TTI1: variants seen among roughly 807,000 people sequenced by gnomAD.
TTI1 encodes the protein TELO2 interacting protein 1.
A neutral mutation model predicts 85.4 loss-of-function variants in TTI1; 52 were observed. That is an observed-to-expected ratio of 0.61 (90% CI 0.49 to 0.77). TTI1 has a LOEUF of 0.77. Ranked by LOEUF, TTI1 falls within the 30% of genes least tolerant of loss-of-function variation. The probability of loss-of-function intolerance (pLI) is 0.00; values close to 1 mark genes in which losing one functional copy is unlikely to be tolerated. For synonymous variants in TTI1, 512 were observed against 503.9 expected, an observed-to-expected ratio of 1.02 and a Z score of -0.22; for missense variants, 1,173 against 1,296.0, an observed-to-expected ratio of 0.91 and a Z score of 1.46.
intron 1 of TTI1, among the ~76,000 whole-genome samples, chr20:38,019,857 C>T (rs1282693112): frequency 1.3e-5 from 2 of 152,206 alleles, no homozygotes; most frequent in African/African-American, 4.8e-5. Flanking sequence ...CATCTATCTG[C>T]TGCTAGTAGC....
intron 4 of TTI1, chr20:38,000,596 C>A (rs545523671): frequency 6.6e-6 from 1 of 150,948 alleles, no homozygotes; most frequent in South Asian, 2.1e-4. Flanking sequence ...CCCTACTGGG[C>A]GCCTACTATG....
rs36059660 is a variant in TTI1 at position 38,012,468 on chromosome 20, C to A, written c.1349G>T (p.Arg450Leu). The part of the protein sequence containing the change: ...VADIKIVEER[R>L]WNSDDLNASP... The stretch of plus-strand genomic sequence containing the variant: ...AGCATTCAGATCATCAGAGTTCCAA[C>A]GCCGTTCCTCAACAATCTTGATGTC... Residue 450 changes from arginine (R) to leucine (L), a missense_variant, in exon 2 of 8, where the codon CGT becomes CTT. Physicochemically the swap from Arg to Leu is moderately radical, Grantham distance 102. Coordinates refer to ENST00000373447, the MANE Select transcript of TTI1 (RefSeq NM_001303457.2). The A allele has an allele frequency of 9.3e-6, 15 of 1,614,094 alleles. No homozygotes were observed. Among genetic ancestry groups the A allele is most frequent in the Non-Finnish European group, 1.3e-5 (15 of 1,180,056 alleles).
At chr20:38,020,712 A>G (rs1321379354) in intron 1 of TTI1, among the ~76,000 whole-genome samples, 1 of 152,224 alleles carries the variant, frequency 6.6e-6, no homozygotes, top group African/African-American at 2.4e-5. Flanking sequence ...ATATCACAAA[A>G]AAGGATAGCC....
At position 37,989,266 on chromosome 20, in the gene TTI1, G is replaced by A. The variant is rs545518403; in HGVS notation, c.3087-5627C>T. The stretch of plus-strand genomic sequence containing the variant: ...AAAACCATTCATCTATCGATCTAAC[G>A]CCAACATGCATACTCACACAGAGAC... On this transcript the variant is annotated intron_variant, in intron 7 of 7. Coordinates refer to ENST00000373447, the MANE Select transcript of TTI1 (RefSeq NM_001303457.2). Among the ~76,000 whole-genome samples, 63 of 151,974 alleles carry A rather than the reference G, an allele frequency of 4.1e-4. No homozygotes were observed. The South Asian group carries it at 8.8e-3, about 21-fold the overall frequency.
chr20:38,005,657 C>A (rs1015000891), intron 3 of TTI1, among the ~76,000 whole-genome samples: 2 of 152,082 alleles, frequency 1.3e-5, no homozygotes, highest in African/African-American at 4.8e-5. Context: ...CAGTATTCAT[C>A]CTGCACTGCC....
At chr20:38,026,958 TATGTAC>T in intron 1 of TTI1, among the ~76,000 whole-genome samples, 1 of 152,302 alleles carries the variant, frequency 6.6e-6, no homozygotes, top group African/African-American at 2.4e-5. Context: ...AAAGGTAAGT[TATGTAC>T]ACACAATGTA....
At chr20:37,997,076 G>T in intron 5 of TTI1, 123 bp from the exon 6 acceptor site, 1 of 1,084,306 alleles carries the variant, frequency 9.2e-7, no homozygotes. Flanking sequence ...TAGAATTACT[G>T]CTGTTAATTC....
At chr20:38,029,507 C>A (rs1178662106) in intron 1 of TTI1, among the ~76,000 whole-genome samples, 2 of 151,758 alleles carry the variant, frequency 1.3e-5, no homozygotes, top group Non-Finnish European at 2.9e-5. Flanking sequence ...ATAACTGGTT[C>A]TTTGAAAAGG....
chr20:38,016,492 A>G (rs2073684716), intron 1 of TTI1, among the ~76,000 whole-genome samples: 1 of 152,184 alleles, frequency 6.6e-6, no homozygotes, highest in Non-Finnish European at 1.5e-5. Context: ...ACCGTAATAG[A>G]GCTAATGAAA....
chr20:37,989,244 A>G (rs1406577630), intron 7 of TTI1, among the ~76,000 whole-genome samples: 1 of 152,226 alleles, frequency 6.6e-6, no homozygotes, highest in Non-Finnish European at 1.5e-5. Context: ...CCTGTTCAAA[A>G]CCATTCATCT....
At chr20:38,022,572 G>A (rs1392322141) in intron 1 of TTI1, among the ~76,000 whole-genome samples, 2 of 152,082 alleles carry the variant, frequency 1.3e-5, no homozygotes, top group Admixed American at 6.6e-5. Context: ...ATTCCGAATC[G>A]GATTCTAGAT....
chr20:38,015,551 G>A (rs764032706), intron 1 of TTI1, among the ~76,000 whole-genome samples: 5 of 152,132 alleles, frequency 3.3e-5, no homozygotes, highest in Non-Finnish European at 7.4e-5. Context: ...ATGGGATCCA[G>A]CAGTCATGGG....
At chr20:38,008,650 A>G (rs970153319) in intron 2 of TTI1, among the ~76,000 whole-genome samples, 3 of 152,174 alleles carry the variant, frequency 2.0e-5, no homozygotes, top group East Asian at 1.9e-4. Flanking sequence ...TGATAACTCA[A>G]TTTCCTAAAG....
intron 1 of TTI1, among the ~76,000 whole-genome samples, chr20:38,015,150 G>A (rs1406775822): frequency 6.6e-6 from 1 of 152,162 alleles, no homozygotes; most frequent in African/African-American, 2.4e-5. Flanking sequence ...CAGGCAAGTC[G>A]TGCCAGCGGG....
chr20:38,009,760 C>T (rs2073555285), intron 2 of TTI1, among the ~76,000 whole-genome samples: 1 of 152,138 alleles, frequency 6.6e-6, no homozygotes, highest in Non-Finnish European at 1.5e-5. Context: ...ACCTCAGCCT[C>T]CCAAAGTGTT....
At chr20:37,984,798 A>T (rs1400603359) in intron 7 of TTI1, among the ~76,000 whole-genome samples, 3 of 152,168 alleles carry the variant, frequency 2.0e-5, no homozygotes, top group Admixed American at 6.5e-5. Flanking sequence ...CAGGGACCAC[A>T]TCTGTTCTGT....
chr20:38,006,515 C>A, intron 2 of TTI1, 118 bp from the exon 3 acceptor site: 1 of 1,125,846 alleles, frequency 8.9e-7, no homozygotes, highest in Non-Finnish European at 1.3e-6. Context: ...CAGTCCCTGC[C>A]TGGCTCCCCG....
rs573318173 is a variant in TTI1 at position 38,013,927 on chromosome 20, C to A, written c.-41-70G>T. 4,464 of 1,471,074 alleles carry A rather than the reference C, an allele frequency of 3.0e-3. 13 individuals carry two copies. Among genetic ancestry groups the A allele is most frequent in the Non-Finnish European group, 3.7e-3 (4,093 of 1,107,946 alleles). 91.1% of individuals were successfully genotyped at this position (1,471,074 alleles called of 1,614,324 possible). ...AGTATGAAGTGAACTTGCATTCATTCATTCAACAGACATTTACCTGGGGTC... is the reference window on the plus strand; with the variant it reads ...AGTATGAAGTGAACTTGCATTCATTAATTCAACAGACATTTACCTGGGGTC... On this transcript the variant is annotated intron_variant, in intron 1 of 7. Transcript: ENST00000373447.
At chr20:38,003,877 A>T (rs1428774372) in intron 3 of TTI1, among the ~76,000 whole-genome samples, 1 of 151,690 alleles carries the variant, frequency 6.6e-6, no homozygotes, top group East Asian at 1.9e-4. Flanking sequence ...TCATCCTTTG[A>T]TTAAAAGGGG....
Sources: gnomAD v4.1 joint callset for allele counts (sites outside exome capture counted in the v4.1 genomes callset) on GRCh38, gnomAD v4.1.1 for gene constraint, MANE v1.5 for transcripts, NCBI Gene and HGNC (gene_info 2026-07-23, HGNC 2026-07-21) for gene names.